Variants in UBP1 observed in about 807,000 individuals in gnomAD.
UBP1 encodes upstream binding protein 1, also known as upstream-binding protein 1.
In UBP1, 22 loss-of-function variants were observed where a neutral mutation model predicts 76.1. The ratio of observed to expected loss-of-function variants is 0.29; its 90% CI spans 0.21 to 0.41. The LOEUF (loss-of-function observed/expected upper bound fraction) is 0.41, where lower values mean the gene tolerates loss of function less well. UBP1 is among the 10% of genes least tolerant of loss of function. The probability of loss-of-function intolerance (pLI) is 1.00; values close to 1 mark genes in which losing one functional copy is unlikely to be tolerated. For synonymous variants in UBP1, 224 were observed against 237.1 expected (o/e 0.94, Z 0.51); for missense variants, 436 against 668.1 (o/e 0.65, Z 3.83).
At chr3:33,430,902 ATTTCTAT>A (rs1190339855) in intron 1 of UBP1, among the ~76,000 whole-genome samples, 1 of 152,070 alleles carries the variant, frequency 6.6e-6, no homozygotes. Context: ...CATCTCACTG[ATTTCTAT>A]TTTCCTGACT....
At chr3:33,418,285 G>A (rs1056143767) in intron 2 of UBP1, among the ~76,000 whole-genome samples, 9 of 151,930 alleles carry the variant, frequency 5.9e-5, no homozygotes, top group African/African-American at 7.2e-5. Flanking sequence ...AGGGAGCTTC[G>A]TTCTGTCGCC....
intron 5 of UBP1, among the ~76,000 whole-genome samples, chr3:33,411,090 A>C (rs1011489848): frequency 6.6e-6 from 1 of 151,520 alleles, no homozygotes; most frequent in Non-Finnish European, 1.5e-5. Context: ...AAAAAAAAAA[A>C]GTGCTCCAAG....
At chr3:33,402,007 A>G (rs936216982) in intron 9 of UBP1, among the ~76,000 whole-genome samples, 6 of 151,882 alleles carry the variant, frequency 4.0e-5, no homozygotes, top group Admixed American at 3.9e-4. Flanking sequence ...CCATCTCCTC[A>G]GGGGGAGAGC....
intron 9 of UBP1, among the ~76,000 whole-genome samples, chr3:33,402,011 G>A (rs536229920): frequency 3.3e-5 from 5 of 152,222 alleles, no homozygotes; most frequent in African/African-American, 1.2e-4. Flanking sequence ...CTCCTCAGGG[G>A]GAGAGCACAT....
intron 1 of UBP1, among the ~76,000 whole-genome samples, chr3:33,433,044 T>C (rs1324440023): frequency 6.7e-6 from 1 of 149,592 alleles, no homozygotes; most frequent in Non-Finnish European, 1.5e-5. Context: ...AATTTCACAA[T>C]GTCCAAAAAA....
intron 12 of UBP1, 55 bp from the exon 13 acceptor site, chr3:33,396,335 G>A: frequency 1.5e-6 from 2 of 1,299,538 alleles, no homozygotes; most frequent in Non-Finnish European, 2.2e-6. Flanking sequence ...CCTTACACAT[G>A]TACAAATATG....
chr3:33,426,387 T>C (rs2045018678), intron 1 of UBP1, among the ~76,000 whole-genome samples: 1 of 152,140 alleles, frequency 6.6e-6, no homozygotes, highest in Non-Finnish European at 1.5e-5. Context: ...TGAGGGGTCT[T>C]CTGGGACACT....
intron 1 of UBP1, among the ~76,000 whole-genome samples, chr3:33,433,695 A>G (rs529395484): frequency 6.6e-6 from 1 of 151,712 alleles, no homozygotes; most frequent in African/African-American, 2.4e-5. Context: ...ACAATTTCAT[A>G]TTCATCTATT....
intron 11 of UBP1, among the ~76,000 whole-genome samples, chr3:33,398,961 A>G (rs917324670): frequency 6.6e-6 from 1 of 152,256 alleles, no homozygotes; most frequent in Non-Finnish European, 1.5e-5. Context: ...TGACCTCCAT[A>G]GGGAACTTTA....
At chr3:33,413,546 CAAAAA>C (rs926941278) in intron 3 of UBP1, among the ~76,000 whole-genome samples, 2 of 55,416 alleles carry the variant, frequency 3.6e-5, no homozygotes, top group Non-Finnish European at 7.5e-5. Context: ...GACTCCATCA[CAAAAA>C]AAAAAAAAAA....
At chr3:33,408,329 A>G (rs991554905) in intron 8 of UBP1, among the ~76,000 whole-genome samples, 1 of 152,142 alleles carries the variant, frequency 6.6e-6, no homozygotes, top group African/African-American at 2.4e-5. Flanking sequence ...CTAATTTACT[A>G]AAGAAAGTAT....
At chr3:33,390,568 T>G (rs1210231874) in intron 15 of UBP1, 200 bp from the exon 16 acceptor site, 2 of 611,666 alleles carry the variant, frequency 3.3e-6, no homozygotes, top group African/African-American at 3.7e-5. Flanking sequence ...TTTTTAGACA[T>G]TCTGCGAAGC....
chr3:33,397,406 C>T (rs1432145546), intron 11 of UBP1: 1 of 258,698 alleles, frequency 3.9e-6, no homozygotes. Context: ...AAGAACTCTT[C>T]CCGATATAGG....
intron 5 of UBP1, among the ~76,000 whole-genome samples, chr3:33,409,850 G>A (rs76305125): frequency 0.013 from 2,017 of 152,252 alleles, 19 homozygotes; most frequent in South Asian, 0.027. Flanking sequence ...CTCTAATGCA[G>A]GACTTGGGTC....
At chr3:33,426,611 C>G (rs2045022512) in intron 1 of UBP1, among the ~76,000 whole-genome samples, 1 of 152,120 alleles carries the variant, frequency 6.6e-6, no homozygotes, top group South Asian at 2.1e-4. Context: ...CCACTCAGCC[C>G]CTGGCACCCA....
At chr3:33,396,851 C>G in intron 12 of UBP1, 194 bp downstream of exon 12, 1 of 688,552 alleles carries the variant, frequency 1.5e-6, no homozygotes, top group Non-Finnish European at 2.7e-6. Flanking sequence ...CTGCCCTCAT[C>G]AGTGCCTGCA....
chr3:33,400,951 A>C lies in UBP1; in HGVS notation c.1086+11T>G. On this transcript the variant is annotated intron_variant, in intron 10 of 15. Coordinates refer to ENST00000283629, the MANE Select transcript of UBP1 (RefSeq NM_014517.5). ...GAAAGCATCAGATAGTTTTAGGAGA[A>C]AGATACTTACTTCACCAGAGGTCTG... 6.3e-7 allele frequency: 1 copy of C among 1,592,718 alleles called. No homozygotes were observed. The highest frequency in any genetic ancestry group is 8.5e-7 in the Non-Finnish European group (1 of 1,173,046).
intron 1 of UBP1, among the ~76,000 whole-genome samples, chr3:33,427,165 A>G (rs911030889): frequency 2.0e-5 from 3 of 152,184 alleles, no homozygotes; most frequent in African/African-American, 7.2e-5. Context: ...GGGTTTCGCC[A>G]TGTAGGCCAG....
chr3:33,400,334 C>A, intron 10 of UBP1, 52 bp from the exon 11 acceptor site: 4 of 1,420,072 alleles, frequency 2.8e-6, no homozygotes, highest in Non-Finnish European at 3.8e-6. Flanking sequence ...AGACTTAGAA[C>A]ATTTAAACAA....
Sources: allele counts gnomAD v4.1 joint callset (sites outside exome capture counted in the v4.1 genomes callset), GRCh38; gene constraint gnomAD v4.1.1; transcripts MANE v1.5; gene names NCBI Gene and HGNC (gene_info 2026-07-23, HGNC 2026-07-21).